DSCAM: variants seen among roughly 807,000 people sequenced by gnomAD.
The protein encoded by DSCAM is DS cell adhesion molecule.
In DSCAM, 47 loss-of-function variants were observed where a neutral mutation model predicts 217.7. The ratio of observed to expected loss-of-function variants is 0.22; its 90% CI spans 0.17 to 0.28. The LOEUF is 0.28. Ranked by LOEUF, DSCAM falls within the 10% of genes least tolerant of loss-of-function variation. The pLI is 1.00. For synonymous variants in DSCAM, 1,056 were observed against 1,015.3 expected, an observed-to-expected ratio of 1.04 and a Z score of -0.76; for missense variants, 2,080 against 2,618.3, an observed-to-expected ratio of 0.79 and a Z score of 4.49.
At chr21:40,142,758 C>A in intron 17 of DSCAM, 54 bp from the exon 18 acceptor site, 7 of 1,458,784 alleles carry the variant, frequency 4.8e-6, no homozygotes, top group Admixed American at 4.5e-5. Flanking sequence ...ATGAGCAAAG[C>A]AATAACCGAA....
intron 3 of DSCAM, among the ~76,000 whole-genome samples, chr21:40,646,282 G>C (rs1480230073): frequency 6.6e-6 from 1 of 152,002 alleles, no homozygotes; most frequent in African/African-American, 2.4e-5. Flanking sequence ...GGGTGTGGTG[G>C]CATGCACCTG....
intron 18 of DSCAM, among the ~76,000 whole-genome samples, chr21:40,136,741 C>G (rs895145412): frequency 3.3e-5 from 5 of 152,132 alleles, no homozygotes; most frequent in Admixed American, 6.5e-5. Flanking sequence ...AAAGTAGGAT[C>G]ATTTCACAAT....
At chr21:40,508,757 ATATATATATATATATATATATATAT>A (rs2076231556) in intron 3 of DSCAM, among the ~76,000 whole-genome samples, 1 of 9,558 alleles carries the variant, frequency 1.0e-4, no homozygotes. Flanking sequence ...ATATATATAT[ATATATATATATATATATATATATAT>A]ATTTTTTTTT....
At chr21:40,762,395 T>A (rs962825609) in intron 1 of DSCAM, among the ~76,000 whole-genome samples, 2 of 151,986 alleles carry the variant, frequency 1.3e-5, no homozygotes, top group Non-Finnish European at 2.9e-5. Flanking sequence ...ACATACACCC[T>A]CCCAAGACTA....
intron 3 of DSCAM, among the ~76,000 whole-genome samples, chr21:40,380,391 T>C (rs1190424860): frequency 2.0e-5 from 3 of 152,250 alleles, no homozygotes; most frequent in East Asian, 3.8e-4. Context: ...AACTTATAAA[T>C]TGTATTTATT....
rs1555886085 is a variant in DSCAM, at chr21:40,755,456, A to AAAAAT, written c.44-46686_44-46685insATTTT. ...AAAAGGCTCTGTCCCCACCTGCTAAAAAATAAATAAAAAATAAAAAAGTTT... is the reference window on the plus strand; with the variant it reads ...AAAAGGCTCTGTCCCCACCTGCTAAAAAAATAAATAAATAAAAAATAAAAAAGTTT... On this transcript the variant is annotated intron_variant, in intron 1 of 32. Transcript: ENST00000400454. Among the ~76,000 whole-genome samples the AAAAAT allele has an allele frequency of 5.3e-5, 8 of 151,082 alleles. No homozygotes were observed. The East Asian group carries it at 1.4e-3, about 26-fold the overall frequency.
chr21:40,604,496 G>T (rs2089205303), intron 3 of DSCAM, among the ~76,000 whole-genome samples: 1 of 151,988 alleles, frequency 6.6e-6, no homozygotes, highest in Non-Finnish European at 1.5e-5. Flanking sequence ...GTCATTATTT[G>T]TTGAGAGTCA....
At chr21:40,491,594 A>T (rs2076076576) in intron 3 of DSCAM, among the ~76,000 whole-genome samples, 1 of 152,082 alleles carries the variant, frequency 6.6e-6, no homozygotes, top group Non-Finnish European at 1.5e-5. Context: ...ACCCCAGGTA[A>T]CCTGTCTCCC....
chr21:40,133,725 A>T (rs2090178297), intron 19 of DSCAM, 129 bp downstream of exon 19: 9 of 1,096,404 alleles, frequency 8.2e-6, no homozygotes, highest in African/African-American at 1.6e-5. Flanking sequence ...TTGCACTGGG[A>T]TATTTTGGGA....
rs184426707 is a variant in DSCAM at position 40,696,365 on chromosome 21, G to C, written c.362-3409C>G. 1.2e-3 allele frequency among the ~76,000 whole-genome samples: 190 copies of C among 152,310 alleles called. 1 individual carries two copies. Among genetic ancestry groups the C allele is most frequent in the African/African-American group, 4.2e-3 (175 of 41,578 alleles). ...AGGACACAATCCCCTGAGAGGCAGG[G>C]AAAGTGTGAGTAGGGCAGGGAGGGA... is the stretch of plus-strand genomic sequence containing the variant. On this transcript the variant is annotated intron_variant, in intron 2 of 32. Coordinates refer to ENST00000400454, the MANE Select transcript of DSCAM (RefSeq NM_001389.5).
intron 3 of DSCAM, among the ~76,000 whole-genome samples, chr21:40,377,112 G>A (rs1420767944): frequency 6.6e-6 from 1 of 152,160 alleles, no homozygotes; most frequent in Admixed American, 6.5e-5. Context: ...AGAGCCAACA[G>A]GTTCTAGGTG....
intron 3 of DSCAM, among the ~76,000 whole-genome samples, chr21:40,520,708 G>A (rs988780508): frequency 2.0e-5 from 3 of 152,178 alleles, no homozygotes; most frequent in Non-Finnish European, 2.9e-5. Flanking sequence ...TCAGGAGGCT[G>A]AGGCAGGAGA....
Position 40,036,147 on chromosome 21 carries a change from G to T in DSCAM, c.5686+6224C>A, listed in dbSNP as rs1330802685. Among the ~76,000 whole-genome samples the T allele has an allele frequency of 3.0e-3, 414 of 139,432 alleles. 11 individuals carry two copies. The highest frequency in any genetic ancestry group is 0.011 in the African/African-American group (395 of 35,006). The allele number at this position is 139,432 out of a possible 152,430, so 91.5% of individuals were successfully genotyped here. Reference sequence around the variant, plus strand: ...AAACACATTCAAAAGCTAGCAGAAGGCAAGAAATAACTAAAATCAGAGCAG... The same window carrying T: ...AAACACATTCAAAAGCTAGCAGAAGTCAAGAAATAACTAAAATCAGAGCAG... On this transcript the variant is annotated intron_variant, in intron 32 of 32. Coordinates refer to ENST00000400454, the MANE Select transcript of DSCAM (RefSeq NM_001389.5).
intron 3 of DSCAM, among the ~76,000 whole-genome samples, chr21:40,688,791 G>T (rs1026628599): frequency 2.0e-5 from 3 of 152,190 alleles, no homozygotes; most frequent in Admixed American, 6.5e-5. Context: ...AGCAACATCA[G>T]ATATTATGAA....
chr21:40,312,789 G>A (rs188278205), intron 8 of DSCAM, among the ~76,000 whole-genome samples: 4 of 152,182 alleles, frequency 2.6e-5, no homozygotes, highest in Non-Finnish European at 5.9e-5. Flanking sequence ...CTTGTAAATA[G>A]GCATATTCTA....
At chr21:40,770,881 T>C (rs1024270306) in intron 1 of DSCAM, among the ~76,000 whole-genome samples, 1 of 152,190 alleles carries the variant, frequency 6.6e-6, no homozygotes, top group East Asian at 1.9e-4. Flanking sequence ...CAGAGGCATA[T>C]TGAAAGTAAA....
At chr21:40,140,535 T>C (rs768804532) in intron 18 of DSCAM, among the ~76,000 whole-genome samples, 9 of 152,132 alleles carry the variant, frequency 5.9e-5, no homozygotes, top group Non-Finnish European at 8.8e-5. Context: ...AGAAAAGACA[T>C]CTTAGCATAA....
intron 3 of DSCAM, among the ~76,000 whole-genome samples, chr21:40,376,337 A>G (rs1023717431): frequency 6.6e-6 from 1 of 151,474 alleles, no homozygotes; most frequent in Non-Finnish European, 1.5e-5. Context: ...AGTATATAGC[A>G]TTAGAAACCA....
chr21:40,746,562 G>A (rs1033141462), intron 1 of DSCAM, among the ~76,000 whole-genome samples: 1 of 151,806 alleles, frequency 6.6e-6, no homozygotes, highest in Non-Finnish European at 1.5e-5. Flanking sequence ...CCTCAAATAT[G>A]TAAGGAAAAC....
Sources: allele counts gnomAD v4.1 joint callset (sites outside exome capture counted in the v4.1 genomes callset), GRCh38; gene constraint gnomAD v4.1.1; transcripts MANE v1.5; gene names NCBI Gene and HGNC (gene_info 2026-07-23, HGNC 2026-07-21).